ELP1: variants seen among roughly 807,000 people sequenced by gnomAD.
ELP1 encodes the protein elongator acetyltransferase complex subunit 1.
ELP1 carries 131 observed loss-of-function variants against 183.2 expected under a neutral mutation model. The ratio of observed to expected loss-of-function variants is 0.72; its 90% CI spans 0.62 to 0.83. The LOEUF (loss-of-function observed/expected upper bound fraction) is 0.83, where lower values mean the gene tolerates loss of function less well. Ranked by LOEUF, ELP1 falls within the 40% of genes least tolerant of loss-of-function variation. The pLI is 0.00. For synonymous variants in ELP1, 555 were observed against 569.0 expected (o/e 0.98, Z 0.35); for missense variants, 1,550 against 1,594.9 (o/e 0.97, Z 0.48).
chr9:108,916,736 G>T (rs1208093185), intron 9 of ELP1, among the ~76,000 whole-genome samples: 3 of 152,198 alleles, frequency 2.0e-5, no homozygotes, highest in Non-Finnish European at 4.4e-5. Flanking sequence ...GTATATATAT[G>T]TATAGGCCAA....
At chr9:108,894,555 G>A (rs1161534861) in intron 25 of ELP1, among the ~76,000 whole-genome samples, 1 of 152,140 alleles carries the variant, frequency 6.6e-6, no homozygotes, top group Non-Finnish European at 1.5e-5. Context: ...TTTCACATAC[G>A]GATATTAATA....
At chr9:108,887,727 T>C (rs10120358) in intron 29 of ELP1, among the ~76,000 whole-genome samples, 33,101 of 152,056 alleles carry the variant, frequency 0.22, 4,021 homozygotes, top group African/African-American at 0.32. Flanking sequence ...ATAGGGTCTG[T>C]TGTTTTAAGC....
At chr9:108,899,688 C>G (rs1828695503) in intron 20 of ELP1, 134 bp downstream of exon 20, 1 of 684,190 alleles carries the variant, frequency 1.5e-6, no homozygotes, top group African/African-American at 1.8e-5. Context: ...AAAAGAGCCT[C>G]TAAGAATCTG....
intron 16 of ELP1, 96 bp from the exon 17 acceptor site, chr9:108,901,777 C>A: frequency 8.5e-7 from 1 of 1,173,284 alleles, no homozygotes. Flanking sequence ...TATGATTTCA[C>A]ACCTAAGTTC....
chr9:108,891,442 T>A, intron 27 of ELP1, 38 bp from the exon 28 acceptor site: 1 of 1,580,544 alleles, frequency 6.3e-7, no homozygotes, highest in Non-Finnish European at 8.7e-7. Context: ...GGAGGAAATA[T>A]GACAATCATT....
chr9:108,895,517 T>C (rs1411680427), intron 25 of ELP1, among the ~76,000 whole-genome samples: 1 of 152,084 alleles, frequency 6.6e-6, no homozygotes, highest in Non-Finnish European at 1.5e-5. Context: ...GACAAAAGCA[T>C]TGTCTTTCCT....
Position 108,927,441 on chromosome 9 carries a change from C to G in ELP1, c.316G>C (p.Gly106Arg). Residue 106 changes from glycine to arginine, a missense_variant, in exon 4 of 37, where the codon GGG (glycine) becomes CGG (arginine). Coordinates refer to ENST00000374647, the MANE Select transcript of ELP1 (RefSeq NM_003640.5). ...SLSTQQLECV[G>R]SVASGISVMS... ...ACAGAGATACCACTGGCTACACTCC[C>G]AACACACTCCAGCTGAGACAGAGAA... is the stretch of plus-strand genomic sequence containing the variant. 1 of 1,613,434 alleles carries G rather than the reference C, an allele frequency of 6.2e-7. No homozygotes were observed. Among genetic ancestry groups the G allele is most frequent in the South Asian group, 1.1e-5 (1 of 91,072 alleles).
chr9:108,873,829 TG>T (rs1416027306), intron 36 of ELP1, among the ~76,000 whole-genome samples: 1 of 151,446 alleles, frequency 6.6e-6, no homozygotes, highest in Non-Finnish European at 1.5e-5. Context: ...GAGACCAGCC[TG>T]GGCAACATAT....
Position 108,884,453 on chromosome 9 carries a change from T to C in ELP1, c.3223-2266A>G, listed in dbSNP as rs78055189. Among the ~76,000 whole-genome samples the C allele has an allele frequency of 2.5e-3, 381 of 152,286 alleles. 2 individuals are homozygous for C. The highest frequency in any genetic ancestry group is 8.6e-3 in the African/African-American group (359 of 41,576). On this transcript the variant is annotated intron_variant, in intron 29 of 36. Transcript: ENST00000374647. Reference sequence around the variant, plus strand: ...TCCAATAATAGTAGCTTTCATATTATTTTCAAATACACACACAACATTCTG... The same window carrying C: ...TCCAATAATAGTAGCTTTCATATTACTTTCAAATACACACACAACATTCTG...
chr9:108,903,497 A>T, intron 15 of ELP1, 66 bp downstream of exon 15: 1 of 1,058,534 alleles, frequency 9.4e-7, no homozygotes, highest in Non-Finnish European at 1.5e-6. Flanking sequence ...AGATACAAGT[A>T]CATGTTCTTA....
At chr9:108,877,958 G>T (rs141974657) in intron 35 of ELP1, 37 bp downstream of exon 35, 2 of 1,611,394 alleles carry the variant, frequency 1.2e-6, no homozygotes, top group African/African-American at 2.7e-5. Flanking sequence ...CCATGAAAAT[G>T]ATGAAAAAAA....
rs1274927283 is a variant in ELP1, at chr9:108,918,848, C to T, written c.703G>A (p.Glu235Lys). ...GCTGGTCCCAGTCCTGCCACAGGCT[C>T]ACTGGTTGACTGCAAAGCAAACTCT... ...NREFALQSTSEPVAGLGPALA... is the reference protein window; with the variant it reads ...NREFALQSTSKPVAGLGPALA... Residue 235 changes from glutamate (E) to lysine (K), a missense_variant, in exon 8 of 37, where the codon GAG (glutamate) becomes AAG (lysine). Physicochemically the swap from Glu to Lys is moderately conservative, Grantham distance 56. Transcript: ENST00000374647. The T allele has an allele frequency of 1.9e-6, 3 of 1,614,036 alleles. No individual in the cohort carries two copies. The highest frequency in any genetic ancestry group is 4.5e-5 in the East Asian group (2 of 44,894).
chr9:108,872,804 G>GAAAAAAAAAAAAAAAAAAAA (rs58139943), intron 36 of ELP1, among the ~76,000 whole-genome samples: 1 of 83,380 alleles, frequency 1.2e-5, no homozygotes, highest in Non-Finnish European at 2.0e-5. Flanking sequence ...GACTCTGTCT[G>GAAAAAAAAAAAAAAAAAAAA]AAAAAAAAAA....
At chr9:108,928,394 G>A (rs1829886888) in intron 3 of ELP1, among the ~76,000 whole-genome samples, 4 of 152,286 alleles carry the variant, frequency 2.6e-5, no homozygotes, top group African/African-American at 7.2e-5. Flanking sequence ...TCTCAGCACA[G>A]GGAATGACAA....
At position 108,922,821 on chromosome 9, in the gene ELP1, T is replaced by TA. The variant is rs1164947895; in HGVS notation, c.552+20dup. The TA allele has an allele frequency of 1.9e-6, 3 of 1,592,792 alleles. No homozygotes were observed. The African/African-American group carries it at 4.0e-5, about 21-fold the overall frequency. On this transcript the variant is annotated intron_variant, in intron 6 of 36. Transcript: ENST00000374647. ...TACATTTGTTCCAGTCAAGGCTTTT[T>TA]ATCCATCAAACCAAACTTACCATTT...
chr9:108,919,194 CTTAATT>C lies in ELP1; in HGVS notation c.649+53_649+58del, dbSNP rs1223480565. On this transcript the variant is annotated intron_variant, in intron 7 of 36. Coordinates refer to ENST00000374647, the MANE Select transcript of ELP1 (RefSeq NM_003640.5). ...TCAAAGCAAAAGAAAGAAAATTTTC[CTTAATT>C]TTAATAAGATAAAAATTTTTTATTG... 3.2e-6 allele frequency: 4 copies of C among 1,246,972 alleles called. No homozygotes were observed. In the Admixed American group the frequency reaches 5.7e-5, roughly 18 times the overall value. The allele number at this position is 1,246,972 out of a possible 1,614,324, so 77.2% of individuals were successfully genotyped here. A position where few individuals can be genotyped will look rare whatever the true frequency, so the allele number is the denominator to read the frequency against.
intron 28 of ELP1, 184 bp from the exon 29 acceptor site, chr9:108,889,577 T>C (rs923255118): frequency 1.5e-6 from 1 of 657,142 alleles, no homozygotes; most frequent in Admixed American, 2.3e-5. Context: ...AGCACAGGAA[T>C]TGAAAATCAT....
rs749922418 is a variant in ELP1 at position 108,878,637 on chromosome 9, G to A, written c.3686C>T (p.Thr1229Ile). The change falls in exon 34 of 37, where the codon ACT becomes ATT. Residue 1229 changes from threonine (T) to isoleucine (I), a missense_variant. By Grantham distance (89) the Thr-to-Ile change is moderately conservative. Transcript: ENST00000374647. ...LEALSEVVQN[T>I]ENLKDEVYHI... ...TGAGAATATACCTTTCAGGTTTTCA[G>A]TGTTCTGCACCACTTCACTCAGTGC... The A allele has an allele frequency of 6.2e-7, 1 of 1,614,088 alleles. No individual in the cohort carries two copies. The highest frequency in any genetic ancestry group is 1.3e-5 in the African/African-American group (1 of 74,928).
At chr9:108,910,575 A>G (rs915914602) in intron 12 of ELP1, among the ~76,000 whole-genome samples, 1 of 152,214 alleles carries the variant, frequency 6.6e-6, no homozygotes, top group African/African-American at 2.4e-5. Flanking sequence ...GTCCTTGTCC[A>G]TTCTTGTTCA....
Sources: allele counts gnomAD v4.1 joint callset (sites outside exome capture counted in the v4.1 genomes callset), GRCh38; gene constraint gnomAD v4.1.1; transcripts MANE v1.5; gene names NCBI Gene and HGNC (gene_info 2026-07-23, HGNC 2026-07-21).